Variants in NRG1 observed in about 807,000 individuals in gnomAD.
NRG1 encodes neuregulin 1, also known as pro-neuregulin-1, membrane-bound isoform.
In NRG1, 18 loss-of-function variants were observed where a neutral mutation model predicts 63.8. The observed-to-expected ratio is 0.28, with a 90% CI of 0.19 to 0.42. The LOEUF is 0.42. Ranked by LOEUF, NRG1 falls within the 10% of genes least tolerant of loss-of-function variation. The pLI is 1.00. For synonymous variants in NRG1, 302 were observed against 301.3 expected, an observed-to-expected ratio of 1.00 and a Z score of -0.02; for missense variants, 762 against 814.7, an observed-to-expected ratio of 0.94 and a Z score of 0.79.
chr8:31,718,259 A>G (rs907780509), intron 1 of NRG1, among the ~76,000 whole-genome samples: 18 of 152,074 alleles, frequency 1.2e-4, no homozygotes, highest in African/African-American at 3.9e-4. Context: ...TCAATTATAG[A>G]TAAGAATTCT....
intron 1 of NRG1, among the ~76,000 whole-genome samples, chr8:32,167,392 A>G (rs1050317021): frequency 6.6e-5 from 10 of 152,198 alleles, no homozygotes; most frequent in Admixed American, 6.5e-4. Context: ...AGCATATTGC[A>G]GGCACTCTGC....
intron 3 of NRG1, among the ~76,000 whole-genome samples, chr8:32,613,257 A>C (rs1846695198): frequency 6.6e-6 from 1 of 152,006 alleles, no homozygotes; most frequent in South Asian, 2.1e-4. Flanking sequence ...ATCCACACTT[A>C]ATTTGCAGCA....
chr8:32,291,328 A>G (rs1430664194), intron 1 of NRG1, among the ~76,000 whole-genome samples: 1 of 152,086 alleles, frequency 6.6e-6, no homozygotes, highest in Non-Finnish European at 1.5e-5. Flanking sequence ...CCATCACGAT[A>G]TTTTCCTGGC....
intron 1 of NRG1, among the ~76,000 whole-genome samples, chr8:32,450,152 T>C (rs897052286): frequency 2.0e-5 from 3 of 152,212 alleles, no homozygotes; most frequent in African/African-American, 7.2e-5. Flanking sequence ...AGAATAATTT[T>C]ATTGAGCACT....
At chr8:32,221,712 A>G (rs1038825326) in intron 1 of NRG1, among the ~76,000 whole-genome samples, 2 of 152,118 alleles carry the variant, frequency 1.3e-5, no homozygotes, top group Admixed American at 1.3e-4. Flanking sequence ...ATTATGGGAC[A>G]TTTTCATTGT....
At chr8:31,899,520 A>C (rs1320141700) in intron 1 of NRG1, among the ~76,000 whole-genome samples, 1 of 152,172 alleles carries the variant, frequency 6.6e-6, no homozygotes, top group Non-Finnish European at 1.5e-5. Flanking sequence ...ATCTGGAGAA[A>C]ATAATATTCA....
chr8:32,014,977 G>C (rs1414168900), intron 1 of NRG1, among the ~76,000 whole-genome samples: 1 of 152,048 alleles, frequency 6.6e-6, no homozygotes, highest in African/African-American at 2.4e-5. Context: ...CAGAAGCCAG[G>C]AGAGAGGCCT....
At position 32,214,005 on chromosome 8, in the gene NRG1, A is replaced by G. The variant is rs529127650; in HGVS notation, c.38-381823A>G. ...CTGTGGGAAAGCAAATATATGGGAA[A>G]CCTATTGTAGATAAAGATTAGTTAG... is the stretch of plus-strand genomic sequence containing the variant. On this transcript the variant is annotated intron_variant, in intron 1 of 10. Transcript: ENST00000519301. Among the ~76,000 whole-genome samples the G allele has an allele frequency of 2.0e-4, 31 of 152,248 alleles. 2 individuals are homozygous for G. In the South Asian group the frequency reaches 6.2e-3, roughly 31 times the overall value.
At chr8:32,655,100 A>T (rs1266811215) in intron 5 of NRG1, among the ~76,000 whole-genome samples, 1 of 152,194 alleles carries the variant, frequency 6.6e-6, no homozygotes, top group African/African-American at 2.4e-5. Context: ...TAGGCCTGAG[A>T]CATAAAAAAT....
At chr8:32,773,192 A>G (rs1831914148) in intron 7 of NRG1, among the ~76,000 whole-genome samples, 1 of 152,176 alleles carries the variant, frequency 6.6e-6, no homozygotes, top group Non-Finnish European at 1.5e-5. Context: ...GGCCCTTTAG[A>G]AAGTTCTAGG....
intron 1 of NRG1, among the ~76,000 whole-genome samples, chr8:32,157,470 G>C (rs1838240442): frequency 6.6e-6 from 1 of 151,220 alleles, no homozygotes; most frequent in Non-Finnish European, 1.5e-5. Flanking sequence ...GACCAGCCTG[G>C]CCAACATGGT....
At chr8:32,693,819 A>G (rs919710420) in intron 5 of NRG1, among the ~76,000 whole-genome samples, 1 of 152,228 alleles carries the variant, frequency 6.6e-6, no homozygotes, top group South Asian at 2.1e-4. Flanking sequence ...ATGACCCCAT[A>G]AACACAAACA....
At chr8:32,396,518 A>T (rs974647775) in intron 1 of NRG1, among the ~76,000 whole-genome samples, 11 of 152,150 alleles carry the variant, frequency 7.2e-5, no homozygotes, top group Non-Finnish European at 1.3e-4. Context: ...GCACAATCTC[A>T]GCTCACTGCA....
intron 1 of NRG1, chr8:32,256,742 C>T (rs1849767673): frequency 6.6e-6 from 1 of 152,368 alleles, no homozygotes; most frequent in African/African-American, 2.4e-5. Context: ...GAGGTTTCTC[C>T]CAGTCGAGAG....
upstream of NRG1, among the ~76,000 whole-genome samples, chr8:32,543,348 C>T (rs1184608142): frequency 6.6e-6 from 1 of 151,896 alleles, no homozygotes; most frequent in Non-Finnish European, 1.5e-5. Context: ...TATATATTTG[C>T]ATCATATACA....
intron 4 of NRG1, among the ~76,000 whole-genome samples, chr8:32,616,440 C>T (rs958865191): frequency 2.0e-5 from 3 of 152,110 alleles, no homozygotes; most frequent in Non-Finnish European, 4.4e-5. Flanking sequence ...AATTGGCTTT[C>T]ACTCTCTTGG....
intron 1 of NRG1, among the ~76,000 whole-genome samples, chr8:32,044,442 C>A (rs1334345557): frequency 6.6e-6 from 1 of 151,620 alleles, no homozygotes; most frequent in African/African-American, 2.4e-5. Context: ...AAGGAAAAAA[C>A]CAACTGACTG....
At chr8:31,958,296 G>A (rs946344795) in intron 1 of NRG1, among the ~76,000 whole-genome samples, 3 of 152,126 alleles carry the variant, frequency 2.0e-5, no homozygotes, top group Admixed American at 2.0e-4. Flanking sequence ...ATAGAATATA[G>A]GAATAGGAAG....
chr8:32,384,753 T>C (rs990570984), intron 1 of NRG1, among the ~76,000 whole-genome samples: 13 of 152,252 alleles, frequency 8.5e-5, no homozygotes, highest in African/African-American at 3.1e-4. Flanking sequence ...GGGCTTGTTA[T>C]AAACCTAGGT....
Sources: allele counts gnomAD v4.1 joint callset (sites outside exome capture counted in the v4.1 genomes callset), GRCh38; gene constraint gnomAD v4.1.1; transcripts MANE v1.5; gene names NCBI Gene and HGNC (gene_info 2026-07-23, HGNC 2026-07-21).